The following GALNT13 variants were observed in gnomAD, a reference collection of about 807,000 sequenced individuals.
GALNT13 encodes UDP-GalNAc:polypeptide N-acetylgalactosaminyltransferase 13.
In GALNT13, 28 loss-of-function variants were observed where a neutral mutation model predicts 64.2. That is an observed-to-expected ratio of 0.44 (90% confidence interval 0.32 to 0.60). The LOEUF is 0.60. GALNT13 is among the 20% of genes least tolerant of loss of function. GALNT13 has a pLI of 0.05. For missense variants in GALNT13, 577 were observed against 669.8 expected (o/e 0.86, Z 1.53); for synonymous variants, 214 against 224.6 (o/e 0.95, Z 0.42).
intron 8 of GALNT13, among the ~76,000 whole-genome samples, chr2:154,287,749 A>G (rs1692356838): frequency 6.6e-6 from 1 of 151,986 alleles, no homozygotes. Flanking sequence ...TATAAAGTAA[A>G]TTCTATGTCT....
chr2:153,870,514 T>C (rs1390786789), upstream of GALNT13, among the ~76,000 whole-genome samples: 1 of 151,890 alleles, frequency 6.6e-6, no homozygotes. Context: ...TAGAGAGACA[T>C]TCCAGAGTGT....
the GALNT13 span, among the ~76,000 whole-genome samples, chr2:153,634,455 T>A: frequency 6.6e-6 from 1 of 151,282 alleles, no homozygotes; most frequent in African/African-American, 2.4e-5. Flanking sequence ...AAATCCATAC[T>A]CCTAGACTCT....
chr2:154,237,898 G>T (rs1689282180), intron 4 of GALNT13, among the ~76,000 whole-genome samples: 1 of 151,926 alleles, frequency 6.6e-6, no homozygotes, highest in African/African-American at 2.4e-5. Flanking sequence ...AGAACAGCAA[G>T]AATTAAATTT....
chr2:153,159,053 A>C, the GALNT13 span: 1 of 178,120 alleles, frequency 5.6e-6, no homozygotes, highest in African/African-American at 2.4e-5. Flanking sequence ...CAGGGCAGCC[A>C]TGTCTTGCTC....
At chr2:153,378,768 GT>G in the GALNT13 span, among the ~76,000 whole-genome samples, 7 of 152,122 alleles carry the variant, frequency 4.6e-5, no homozygotes, top group East Asian at 5.8e-4. Context: ...ATATGGGACA[GT>G]TTTTTTCTCA....
At chr2:153,946,591 A>G (rs1400090335) in intron 3 of GALNT13, among the ~76,000 whole-genome samples, 2 of 152,056 alleles carry the variant, frequency 1.3e-5, no homozygotes, top group African/African-American at 4.8e-5. Context: ...CTGTCTTCTC[A>G]CTAACCTCAC....
At chr2:153,987,182 G>A (rs886112797) in intron 3 of GALNT13, among the ~76,000 whole-genome samples, 12 of 151,938 alleles carry the variant, frequency 7.9e-5, no homozygotes, top group African/African-American at 2.9e-4. Flanking sequence ...ATGAGAGCCG[G>A]ATCTCTGGCC....
the GALNT13 span, among the ~76,000 whole-genome samples, chr2:153,160,054 A>C: frequency 1.3e-5 from 2 of 152,218 alleles, no homozygotes; most frequent in African/African-American, 4.8e-5. Context: ...ATTGTAATAA[A>C]GTAACAATTG....
intron 4 of GALNT13, among the ~76,000 whole-genome samples, chr2:154,208,396 T>C (rs1687583513): frequency 6.6e-6 from 1 of 152,212 alleles, no homozygotes; most frequent in Non-Finnish European, 1.5e-5. Flanking sequence ...GTAAAATCAC[T>C]TCATACATAT....
chr2:153,211,263 C>T, the GALNT13 span, among the ~76,000 whole-genome samples: 7 of 151,828 alleles, frequency 4.6e-5, no homozygotes, highest in African/African-American at 1.7e-4. Flanking sequence ...CTGCCTCAGC[C>T]TCCCAAGCAG....
At chr2:153,824,197 G>GTACATAC in the GALNT13 span, among the ~76,000 whole-genome samples, 145 of 152,192 alleles carry the variant, frequency 9.5e-4, no homozygotes, top group Middle Eastern at 3.4e-3. Flanking sequence ...GTATACAGCT[G>GTACATAC]TACATACTCT....
At chr2:153,281,930 T>A in the GALNT13 span, among the ~76,000 whole-genome samples, 1 of 152,188 alleles carries the variant, frequency 6.6e-6, no homozygotes, top group African/African-American at 2.4e-5. Context: ...GGATATCTTA[T>A]ATTTGGATGT....
chr2:153,853,988 T>C, the GALNT13 span, among the ~76,000 whole-genome samples: 2 of 151,770 alleles, frequency 1.3e-5, no homozygotes, highest in East Asian at 1.9e-4. Flanking sequence ...CGTCAGCCCA[T>C]AGGTATATAC....
At chr2:153,515,540 A>C in the GALNT13 span, among the ~76,000 whole-genome samples, 40 of 152,342 alleles carry the variant, frequency 2.6e-4, no homozygotes, top group Admixed American at 7.2e-4. Flanking sequence ...CTGAGAAATA[A>C]ACTAAGGCAG....
the GALNT13 span, among the ~76,000 whole-genome samples, chr2:153,827,173 T>C: frequency 2.6e-5 from 4 of 152,058 alleles, no homozygotes; most frequent in Admixed American, 2.6e-4. Context: ...AGAGAGCTTG[T>C]GCAGGGAAAC....
chr2:154,317,264 T>A (rs1423993607), intron 9 of GALNT13, among the ~76,000 whole-genome samples: 1 of 151,142 alleles, frequency 6.6e-6, no homozygotes, highest in African/African-American at 2.4e-5. Context: ...GGAGCTCTTA[T>A]GAGGAAGAGC....
the GALNT13 span, among the ~76,000 whole-genome samples, chr2:153,180,127 A>T: frequency 1.3e-5 from 2 of 152,102 alleles, no homozygotes; most frequent in Non-Finnish European, 2.9e-5. Flanking sequence ...AAAAGGGTTC[A>T]ATTTTTCACT....
the GALNT13 span, among the ~76,000 whole-genome samples, chr2:153,541,849 C>G: frequency 6.6e-6 from 1 of 152,154 alleles, no homozygotes; most frequent in African/African-American, 2.4e-5. Flanking sequence ...TCCCCTGTAT[C>G]TTTGGGCCTT....
At chr2:154,297,867 C>A (rs1693019184) in intron 8 of GALNT13, among the ~76,000 whole-genome samples, 1 of 151,272 alleles carries the variant, frequency 6.6e-6, no homozygotes, top group Non-Finnish European at 1.5e-5. Context: ...GCACCATATA[C>A]TATCAATTGG....
Sources: gnomAD v4.1 joint callset for allele counts (sites outside exome capture counted in the v4.1 genomes callset) on GRCh38, gnomAD v4.1.1 for gene constraint, MANE v1.5 for transcripts, NCBI Gene and HGNC (gene_info 2026-07-23, HGNC 2026-07-21) for gene names.